The following CCDC178 variants were observed in gnomAD, a reference collection of about 807,000 sequenced individuals.
The protein encoded by CCDC178 is coiled-coil domain containing 178, also known as coiled-coil domain-containing protein 178.
Under a neutral mutation model 117.4 loss-of-function variants are expected in CCDC178, and 126 were observed. The observed-to-expected ratio is 1.07, with a 90% CI of 0.93 to 1.24. The LOEUF (loss-of-function observed/expected upper bound fraction) is 1.24. Among genes scored for constraint, CCDC178 ranks in the 50% most tolerant of loss-of-function variants. CCDC178 has a pLI of 0.00. For synonymous variants in CCDC178, 283 were observed against 313.4 expected, an observed-to-expected ratio of 0.90 and a Z score of 1.02; for missense variants, 1,030 against 986.9, an observed-to-expected ratio of 1.04 and a Z score of -0.59.
chr18:33,441,001 G>A (rs912299458), upstream of CCDC178: 3 of 152,324 alleles, frequency 2.0e-5, no homozygotes, highest in African/African-American at 7.2e-5. Context: ...ACAGCAGTGA[G>A]GTTAGAACGT....
At chr18:32,949,759 C>T (rs1048731690) in intron 22 of CCDC178, among the ~76,000 whole-genome samples, 4 of 151,826 alleles carry the variant, frequency 2.6e-5, no homozygotes, top group African/African-American at 9.7e-5. Context: ...TTTTGCATTC[C>T]TGGATTTGAT....
intron 21 of CCDC178, among the ~76,000 whole-genome samples, chr18:33,081,672 T>C (rs2057300487): frequency 6.6e-6 from 1 of 152,188 alleles, no homozygotes; most frequent in Admixed American, 6.5e-5. Context: ...TTTAAAATAT[T>C]TTTTTCTTGA....
chr18:33,277,615 T>A (rs1397756682), intron 12 of CCDC178, among the ~76,000 whole-genome samples: 1 of 152,118 alleles, frequency 6.6e-6, no homozygotes, highest in East Asian at 1.9e-4. Context: ...CCATTTCTAA[T>A]CTCATTAAGG....
At chr18:33,020,038 C>T (rs547543041) in intron 21 of CCDC178, among the ~76,000 whole-genome samples, 18 of 150,482 alleles carry the variant, frequency 1.2e-4, no homozygotes, top group African/African-American at 2.9e-4. Context: ...CTCTGCCTCC[C>T]GTGTTCAAGT....
At chr18:33,356,734 C>T (rs1012911813) in intron 6 of CCDC178, among the ~76,000 whole-genome samples, 1 of 152,092 alleles carries the variant, frequency 6.6e-6, no homozygotes, top group African/African-American at 2.4e-5. Context: ...AAATTCCCAC[C>T]TGATTCTGAT....
At chr18:33,042,021 G>A (rs80337458) in intron 21 of CCDC178, among the ~76,000 whole-genome samples, 5,361 of 151,938 alleles carry the variant, frequency 0.035, 155 homozygotes, top group East Asian at 0.087. Flanking sequence ...GAAGAATAGC[G>A]TTGGAAAAAT....
Position 33,226,836 on chromosome 18 carries a change from T to C in CCDC178, c.1613A>G (p.Lys538Arg), listed in dbSNP as rs746309219. Residue 538 changes from lysine (K) to arginine (R), a missense_variant, in exon 16 of 23, where the codon AAA becomes AGA. Physicochemically the swap from Lys to Arg is conservative, Grantham distance 26. Coordinates refer to ENST00000383096, the MANE Select transcript of CCDC178 (RefSeq NM_001105528.4). Reference protein sequence around the residue: ...RKFKGREEFLKKLTQGEVAAG... With the variant: ...RKFKGREEFLRKLTQGEVAAG... Reference sequence around the variant, plus strand: ...AGCCACTTCACCTTGAGTGAGTTTTTTCAGGAATTCTTCTCTACCCTATAT... The same window carrying C: ...AGCCACTTCACCTTGAGTGAGTTTTCTCAGGAATTCTTCTCTACCCTATAT... The C allele has an allele frequency of 6.2e-6, 10 of 1,601,344 alleles. No homozygotes were observed. Among genetic ancestry groups the C allele is most frequent in the Admixed American group, 1.7e-5 (1 of 59,026 alleles).
intron 21 of CCDC178, among the ~76,000 whole-genome samples, chr18:33,068,694 C>T (rs1304635630): frequency 6.6e-6 from 1 of 152,084 alleles, no homozygotes; most frequent in East Asian, 1.9e-4. Context: ...CCATATATGA[C>T]AAACCTACAT....
chr18:33,235,895 G>A (rs941779638), intron 15 of CCDC178, among the ~76,000 whole-genome samples: 1 of 152,074 alleles, frequency 6.6e-6, no homozygotes, highest in African/African-American at 2.4e-5. Context: ...ATTTTATTCT[G>A]ACACTTGGCC....
intron 2 of CCDC178, among the ~76,000 whole-genome samples, chr18:33,430,800 C>T (rs1422841079): frequency 6.6e-6 from 1 of 152,114 alleles, no homozygotes; most frequent in Non-Finnish European, 1.5e-5. Context: ...AGGCCGGGCG[C>T]GGTGGCTCAT....
rs545463629 is a variant in CCDC178 at position 33,428,147 on chromosome 18, T to C, written c.-23+11815A>G. ...TTTCTTTCAATTCTATTTTTAAGAA[T>C]GTCAATAACTATTTATTGAACACTT... is the stretch of plus-strand genomic sequence containing the variant. On this transcript the variant is annotated intron_variant, in intron 2 of 22. Coordinates refer to ENST00000383096, the MANE Select transcript of CCDC178 (RefSeq NM_001105528.4). Among the ~76,000 whole-genome samples the C allele has an allele frequency of 1.2e-4, 19 of 152,340 alleles. No individual in the cohort carries two copies. In the East Asian group the frequency reaches 3.5e-3, roughly 28 times the overall value.
chr18:33,061,214 C>A (rs1270728015), intron 21 of CCDC178, among the ~76,000 whole-genome samples: 1 of 151,886 alleles, frequency 6.6e-6, no homozygotes, highest in African/African-American at 2.4e-5. Context: ...TAACCCTAAA[C>A]AATAAGATAT....
At chr18:33,187,364 C>G (rs1279244665) in intron 20 of CCDC178, among the ~76,000 whole-genome samples, 2 of 152,040 alleles carry the variant, frequency 1.3e-5, no homozygotes, top group Non-Finnish European at 2.9e-5. Flanking sequence ...TCTGTAGCCT[C>G]TTTTTGCAAT....
intron 20 of CCDC178, among the ~76,000 whole-genome samples, chr18:33,205,503 G>T (rs968685222): frequency 4.6e-5 from 7 of 152,048 alleles, no homozygotes; most frequent in African/African-American, 1.4e-4. Context: ...ATTAAGACCT[G>T]CAAATATATA....
At chr18:33,295,283 C>T (rs1178487611) in intron 11 of CCDC178, among the ~76,000 whole-genome samples, 1 of 152,110 alleles carries the variant, frequency 6.6e-6, no homozygotes, top group African/African-American at 2.4e-5. Flanking sequence ...CTAAATCTCA[C>T]ATTTTATATA....
chr18:33,268,842 C>T (rs1028224232), intron 12 of CCDC178, among the ~76,000 whole-genome samples: 5 of 151,626 alleles, frequency 3.3e-5, no homozygotes, highest in African/African-American at 7.3e-5. Context: ...TGTCAACATT[C>T]GAAATTAGCC....
At chr18:33,064,245 A>G (rs922502301) in intron 21 of CCDC178, among the ~76,000 whole-genome samples, 6 of 152,352 alleles carry the variant, frequency 3.9e-5, no homozygotes, top group Middle Eastern at 3.4e-3. Flanking sequence ...TTAAAACAAT[A>G]ATGTCAAAGA....
chr18:33,348,583 C>G (rs2090931655), intron 8 of CCDC178, among the ~76,000 whole-genome samples: 1 of 151,790 alleles, frequency 6.6e-6, no homozygotes, highest in African/African-American at 2.4e-5. Context: ...ACAATATACA[C>G]ATGGAATACT....
chr18:32,981,338 C>G (rs749112881), intron 21 of CCDC178, among the ~76,000 whole-genome samples: 3 of 151,698 alleles, frequency 2.0e-5, no homozygotes, highest in Non-Finnish European at 4.4e-5. Context: ...TAATTAACCA[C>G]GAGGAAGGAG....
Sources: allele counts gnomAD v4.1 joint callset (sites outside exome capture counted in the v4.1 genomes callset), GRCh38; gene constraint gnomAD v4.1.1; transcripts MANE v1.5; gene names NCBI Gene and HGNC (gene_info 2026-07-23, HGNC 2026-07-21).